The following SOX30 variants were observed in gnomAD, a reference collection of about 807,000 sequenced individuals.
SOX30 encodes SRY-box transcription factor 30, also known as transcription factor SOX-30.
Under a neutral mutation model 58.6 loss-of-function variants are expected in SOX30, and 17 were observed. The ratio of observed to expected loss-of-function variants is 0.29; its 90% CI spans 0.20 to 0.44. The LOEUF is 0.44. Among genes scored for constraint, SOX30 ranks in the 20% least tolerant of loss-of-function variants. The pLI, the probability that SOX30 is intolerant of heterozygous loss-of-function variation, is 1.00. For missense variants in SOX30, 951 were observed against 965.8 expected (o/e 0.98, Z 0.20); for synonymous variants, 421 against 400.2 (o/e 1.05, Z -0.62).
intron 4 of SOX30, among the ~76,000 whole-genome samples, chr5:157,631,042 A>G (rs1290255627): frequency 1.4e-4 from 6 of 44,170 alleles, no homozygotes; most frequent in African/African-American, 5.1e-4. Context: ...TACAATATAT[A>G]TATTTTATAT....
At chr5:157,671,438 A>G (rs11134885) in exon 1 of SOX30, 253,434 of 600,400 alleles carry the variant, frequency 0.42, 59,191 homozygotes, top group African/African-American at 0.83. Context: ...CGGACTCTGC[A>G]CGCATGTCCA....
intron 4 of SOX30, among the ~76,000 whole-genome samples, chr5:157,630,390 T>C (rs1360064512): frequency 6.6e-6 from 1 of 152,220 alleles, no homozygotes; most frequent in Non-Finnish European, 1.5e-5. Context: ...GAAAACTGGA[T>C]GTTTTGAATA....
chr5:157,629,478 C>G (rs1409785583), intron 4 of SOX30, among the ~76,000 whole-genome samples: 1 of 152,016 alleles, frequency 6.6e-6, no homozygotes, highest in Non-Finnish European at 1.5e-5. Flanking sequence ...ATTATAGTGA[C>G]TATTTTGGTG....
At position 157,651,291 on chromosome 5, in the gene SOX30, G is replaced by A; in HGVS notation, c.788C>T (p.Thr263Met). 6.2e-7 allele frequency: 1 copy of A among 1,614,144 alleles called. No homozygotes were observed. The change falls in exon 1 of 5, where the codon ACG (threonine) becomes ATG (methionine). Residue 263 changes from threonine (T) to methionine (M), a missense_variant. Physicochemically the swap from Thr to Met is moderately conservative, Grantham distance 81. This residue lies in a region of SOX30 where 84 missense variants were observed against 68.2 expected (regional missense o/e 1.23). Transcript: ENST00000265007. Reference sequence around the variant, plus strand: ...GGCCCCAGGGGGGACCGTGTGGAGCGTCAAAGGGATCCTAAGGTCTTGCTG... The same window carrying A: ...GGCCCCAGGGGGGACCGTGTGGAGCATCAAAGGGATCCTAAGGTCTTGCTG... ...PHQQDLRIPL[T>M]LHTVPPGARI...
intron 1 of SOX30, 117 bp from the exon 2 acceptor site, chr5:157,649,013 C>A: frequency 1.5e-6 from 2 of 1,355,970 alleles, no homozygotes; most frequent in Non-Finnish European, 2.0e-6. Flanking sequence ...AGGAAATATA[C>A]ACTTCAATAT....
upstream of SOX30, among the ~76,000 whole-genome samples, chr5:157,656,387 T>C (rs1391063139): frequency 6.6e-6 from 1 of 152,222 alleles, no homozygotes; most frequent in Non-Finnish European, 1.5e-5. Flanking sequence ...GGTCAGATAT[T>C]AGGTTTGCTA....
Position 157,638,676 on chromosome 5 carries a change from G to A in SOX30, c.1434C>T (p.Ser478=), listed in dbSNP as rs371150102. 1.2e-6 allele frequency: 2 copies of A among 1,613,996 alleles called. No individual in the cohort carries two copies. Among genetic ancestry groups the A allele is most frequent in the Non-Finnish European group, 1.7e-6 (2 of 1,180,020 alleles). The part of the protein sequence containing the change: ...AIQLPTPAVQ[S]PSPVTLFQPS... ...GCTGGAAAAGTGTGACAGGGCTTGG[G>A]CTCTGGACTGCAGGTGTGGGCAGCT... The change falls in exon 4 of 5, where the codon AGC becomes AGT. Residue 478 remains serine (S), a synonymous_variant. Transcript: ENST00000265007.
chr5:157,656,314 T>C (rs1759472223), upstream of SOX30, among the ~76,000 whole-genome samples: 1 of 152,212 alleles, frequency 6.6e-6, no homozygotes, highest in Admixed American at 6.5e-5. Context: ...ATGAAGACAG[T>C]TTTAAAGATT....
At chr5:157,655,530 G>A (rs565059524), upstream of SOX30, among the ~76,000 whole-genome samples, 6 of 152,156 alleles carry the variant, frequency 3.9e-5, no homozygotes, top group East Asian at 1.9e-4. Context: ...TGATGGATGC[G>A]GATGACAGGG....
In SOX30 at chr5:157,658,539, T is replaced by C. The variant is rs1322707914; in HGVS notation, c.52+9259A>G. Among the ~76,000 whole-genome samples the C allele has an allele frequency of 2.6e-5, 4 of 152,192 alleles. No individual in the cohort carries two copies. In the South Asian group the frequency reaches 8.3e-4, roughly 32 times the overall value. Reference sequence around the variant, plus strand: ...TTATGAATCTTCCAGATATCACCTTTTGTCAAAACTCGGAGTTATGAATTG... The same window carrying C: ...TTATGAATCTTCCAGATATCACCTTCTGTCAAAACTCGGAGTTATGAATTG... On this transcript the variant is annotated intron_variant, in intron 2 of 5. Transcript: ENST00000519442.
intron 1 of SOX30, 76 bp from the exon 2 acceptor site, chr5:157,648,972 C>T (rs1223401636): frequency 2.4e-5 from 36 of 1,505,648 alleles, no homozygotes; most frequent in Non-Finnish European, 3.2e-5. Flanking sequence ...TAAAGTGCAC[C>T]TCCGTCTATA....
At position 157,638,372 on chromosome 5, in the gene SOX30, T is replaced by C. The variant is rs764208651; in HGVS notation, c.1738A>G (p.Ile580Val). 3 of 1,613,542 alleles carry C rather than the reference T, an allele frequency of 1.9e-6. No homozygotes were observed. Among genetic ancestry groups the C allele is most frequent in the African/African-American group, 1.3e-5 (1 of 74,800 alleles). ...TGTGGAATGGGAGAAGCCTGGGGGATTGGAGCACTTCTGGGACAAGGGGAA... is the reference window on the plus strand; with the variant it reads ...TGTGGAATGGGAGAAGCCTGGGGGACTGGAGCACTTCTGGGACAAGGGGAA... Reference protein sequence around the residue: ...SVSPCPRSAPIPQASPIPHPH... With the variant: ...SVSPCPRSAPVPQASPIPHPH... Residue 580 changes from isoleucine (I) to valine (V), a missense_variant, in exon 4 of 5, where the codon ATC becomes GTC. Physicochemically the swap from Ile to Val is conservative, Grantham distance 29. Transcript: ENST00000265007.
intron 1 of SOX30, among the ~76,000 whole-genome samples, chr5:157,650,639 A>C (rs1260162908): frequency 6.6e-6 from 1 of 152,200 alleles, no homozygotes; most frequent in African/African-American, 2.4e-5. Flanking sequence ...TTCTGCTAGA[A>C]TATTTATTAT....
At chr5:157,648,282 C>T (rs1011225635) in intron 2 of SOX30, among the ~76,000 whole-genome samples, 1 of 152,156 alleles carries the variant, frequency 6.6e-6, no homozygotes, top group Non-Finnish European at 1.5e-5. Flanking sequence ...TCTCATTAAG[C>T]GTAGACTGCA....
intron 3 of SOX30, among the ~76,000 whole-genome samples, chr5:157,639,422 A>G (rs1383871784): frequency 6.6e-6 from 1 of 152,210 alleles, no homozygotes. Context: ...AAAAAACTTA[A>G]ACAACAAAAT....
At chr5:157,670,471 C>G (rs566921770) in intron 1 of SOX30, among the ~76,000 whole-genome samples, 1 of 152,244 alleles carries the variant, frequency 6.6e-6, no homozygotes, top group Admixed American at 6.5e-5. Flanking sequence ...AGAGTAAGCC[C>G]TCTAAAAATG....
intron 2 of SOX30, among the ~76,000 whole-genome samples, chr5:157,663,513 A>G (rs1759613092): frequency 6.6e-6 from 1 of 152,126 alleles, no homozygotes; most frequent in Admixed American, 6.6e-5. Flanking sequence ...ATGGGCAAAC[A>G]CTGGAAGCAT....
At chr5:157,638,775 TTTC>T in intron 3 of SOX30, 53 bp from the exon 4 acceptor site, 2 of 1,519,636 alleles carry the variant, frequency 1.3e-6, no homozygotes, top group Non-Finnish European at 8.8e-7. Context: ...ATTCCATGTT[TTTC>T]TTCTTTCAGT....
chr5:157,664,498 A>G lies in SOX30; in HGVS notation c.52+3300T>C, dbSNP rs541575285. ...CCTAAAACCATAAAAACCCTAGAAG[A>G]AAACCTAGGCAGTACCATTCAGGAC... On this transcript the variant is annotated intron_variant, in intron 2 of 5. Coordinates refer to the SOX30 transcript ENST00000519442. Among the ~76,000 whole-genome samples, 364 of 152,370 alleles carry G rather than the reference A, an allele frequency of 2.4e-3. 3 individuals carry two copies. Among genetic ancestry groups the G allele is most frequent in the African/African-American group, 8.5e-3 (352 of 41,588 alleles).
Sources: gnomAD v4.1 joint callset for allele counts (sites outside exome capture counted in the v4.1 genomes callset) on GRCh38, gnomAD v4.1.1 for gene constraint, gnomAD v4.1.1 regional missense constraint, MANE v1.5 for transcripts, NCBI Gene and HGNC (gene_info 2026-07-23, HGNC 2026-07-21) for gene names.